FCHO2: variants seen among roughly 807,000 people sequenced by gnomAD.
FCHO2 encodes the protein F-BAR domain only protein 2.
FCHO2 carries 43 observed loss-of-function variants against 114.1 expected under a neutral mutation model. That is an observed-to-expected ratio of 0.38 (90% CI 0.30 to 0.49). The LOEUF (loss-of-function observed/expected upper bound fraction) is 0.49. FCHO2 is among the 20% of genes least tolerant of loss of function. The probability of loss-of-function intolerance (pLI) is 0.97; values close to 1 mark genes in which losing one functional copy is unlikely to be tolerated. For synonymous variants in FCHO2, 293 were observed against 315.2 expected (o/e 0.93, Z 0.75); for missense variants, 807 against 950.4 (o/e 0.85, Z 1.98).
intron 5 of FCHO2, among the ~76,000 whole-genome samples, chr5:72,999,314 TAAAAAC>T: frequency 1.3e-5 from 2 of 151,894 alleles, no homozygotes; most frequent in Middle Eastern, 6.8e-3. Flanking sequence ...TTTTGTGACT[TAAAAAC>T]ATAAATACTA....
chr5:73,009,974 T>C (rs1327576807), intron 6 of FCHO2, among the ~76,000 whole-genome samples: 1 of 152,258 alleles, frequency 6.6e-6, no homozygotes, highest in African/African-American at 2.4e-5. Context: ...TCTGTTTCTG[T>C]CTCACCCTCT....
At chr5:72,997,350 A>G (rs1257114271) in intron 5 of FCHO2, 13 of 1,589,938 alleles carry the variant, frequency 8.2e-6, no homozygotes, top group Non-Finnish European at 1.0e-5. Flanking sequence ...AAACTGGACA[A>G]TAGCAGAAGC....
In FCHO2 at chr5:73,088,298, A is replaced by G. The variant is rs1743377005; in HGVS notation, c.*208A>G. On this transcript the variant is annotated 3_prime_UTR_variant, in exon 26 of 26. Transcript: ENST00000430046. ...TTCTCTATGTTGTAAATGATCAACT[A>G]CAATATTCAGGAAGCACATTTATTC... 2 of 590,702 alleles carry G rather than the reference A, an allele frequency of 3.4e-6. No homozygotes were observed. Among genetic ancestry groups the G allele is most frequent in the South Asian group, 5.0e-5 (2 of 40,012 alleles). 36.6% of individuals were successfully genotyped at this position (590,702 alleles called of 1,614,324 possible).
chr5:73,032,982 A>G (rs1397214529), intron 8 of FCHO2, among the ~76,000 whole-genome samples: 3 of 152,164 alleles, frequency 2.0e-5, no homozygotes, highest in South Asian at 2.1e-4. Context: ...AAAAGTTGCT[A>G]ATTTGCACAT....
At chr5:73,080,294 G>T (rs1743049102) in intron 22 of FCHO2, among the ~76,000 whole-genome samples, 1 of 152,188 alleles carries the variant, frequency 6.6e-6, no homozygotes, top group African/African-American at 2.4e-5. Flanking sequence ...GCTTTATCCA[G>T]TATTAAGAAG....
intron 5 of FCHO2, chr5:72,996,816 G>A: frequency 5.4e-6 from 4 of 747,054 alleles, no homozygotes; most frequent in Non-Finnish European, 6.7e-6. Flanking sequence ...TGCCACTTAG[G>A]GCTGCCGTTC....
At chr5:73,055,103 A>G in intron 15 of FCHO2, 2 of 392,334 alleles carry the variant, frequency 5.1e-6, no homozygotes, top group South Asian at 1.9e-5. Context: ...CAGTTTTATT[A>G]AAAATTCTAA....
At position 73,088,873 on chromosome 5, in the gene FCHO2, C is replaced by T. The variant is rs1487269078; in HGVS notation, c.*783C>T. The T allele has an allele frequency of 6.6e-6, 1 of 152,450 alleles. No individual in the cohort carries two copies. The highest frequency in any genetic ancestry group is 1.9e-4 in the East Asian group (1 of 5,192). The allele number at this position is 152,450 out of a possible 1,614,324, so 9.4% of individuals were successfully genotyped here. On this transcript the variant is annotated 3_prime_UTR_variant, in exon 26 of 26. Coordinates refer to ENST00000430046, the MANE Select transcript of FCHO2 (RefSeq NM_138782.3). ...TGCCTTTTAAAACAATAACAAAAAC[C>T]AGAGATGTGCCTATACAATTTGTGT...
chr5:73,013,596 G>A (rs1358111927), intron 6 of FCHO2, among the ~76,000 whole-genome samples: 3 of 152,166 alleles, frequency 2.0e-5, no homozygotes, highest in Non-Finnish European at 4.4e-5. Context: ...CAAAAGTGTT[G>A]TAAGGTCAAA....
At position 73,088,145 on chromosome 5, in the gene FCHO2, A is replaced by G. The variant is rs1309689964; in HGVS notation, c.*55A>G. 8 of 1,604,108 alleles carry G rather than the reference A, an allele frequency of 5.0e-6. No individual in the cohort carries two copies. The East Asian group carries it at 1.6e-4, about 31-fold the overall frequency. ...GATTACAAACCTGCCATTCTGCATT[A>G]TCTGTTCTTTCCAAACACTATTTTA... On this transcript the variant is annotated 3_prime_UTR_variant, in exon 26 of 26. Transcript: ENST00000430046.
At chr5:73,055,507 A>G (rs964735396) in intron 15 of FCHO2, among the ~76,000 whole-genome samples, 1 of 152,216 alleles carries the variant, frequency 6.6e-6, no homozygotes, top group Admixed American at 6.5e-5. Flanking sequence ...TAATGATGCT[A>G]TTCCCCTGTT....
intron 5 of FCHO2, among the ~76,000 whole-genome samples, chr5:72,993,588 A>ATAGGGGAACATTCTACAACCACC (rs2112676548): frequency 6.6e-6 from 1 of 152,290 alleles, no homozygotes; most frequent in African/African-American, 2.4e-5. Flanking sequence ...CCTCATATGA[A>ATAGGGGAACATTCTACAACCACC]ATCAGAATGC....
chr5:73,064,022 T>C (rs981966060), intron 18 of FCHO2, 78 bp downstream of exon 18: 1 of 1,329,564 alleles, frequency 7.5e-7, no homozygotes, highest in Non-Finnish European at 1.0e-6. Flanking sequence ...TATGCCCTTT[T>C]ACAGTTAATT....
intron 17 of FCHO2, among the ~76,000 whole-genome samples, chr5:73,059,664 T>C (rs1757760225): frequency 6.6e-6 from 1 of 152,144 alleles, no homozygotes; most frequent in South Asian, 2.1e-4. Context: ...CACTAAACGC[T>C]ATTTGACCTT....
chr5:73,041,604 CA>C (rs1205465014), intron 11 of FCHO2, among the ~76,000 whole-genome samples: 1 of 151,940 alleles, frequency 6.6e-6, no homozygotes, highest in Non-Finnish European at 1.5e-5. Flanking sequence ...TGCCAGAAAT[CA>C]AATCTGTATA....
At chr5:73,079,171 T>C (rs2112891595) in intron 22 of FCHO2, among the ~76,000 whole-genome samples, 1 of 152,248 alleles carries the variant, frequency 6.6e-6, no homozygotes, top group Non-Finnish European at 1.5e-5. Flanking sequence ...ATGATCACAT[T>C]TCACTGCAGC....
chr5:72,971,742 T>A (rs1361686789), intron 2 of FCHO2, among the ~76,000 whole-genome samples: 1 of 152,354 alleles, frequency 6.6e-6, no homozygotes, highest in African/African-American at 2.4e-5. Context: ...TTGTTGCCAT[T>A]GCTTTTGGTG....
chr5:72,973,086 T>C (rs974965139), intron 2 of FCHO2, among the ~76,000 whole-genome samples: 10 of 152,114 alleles, frequency 6.6e-5, no homozygotes, highest in African/African-American at 1.7e-4. Flanking sequence ...TTTTGATGTG[T>C]TGCTGGATTC....
chr5:72,986,698 A>G (rs550175651), intron 2 of FCHO2, among the ~76,000 whole-genome samples: 1 of 152,298 alleles, frequency 6.6e-6, no homozygotes, highest in African/African-American at 2.4e-5. Flanking sequence ...TGGGAGCAGA[A>G]GTCTTTTAGA....
Sources: gnomAD v4.1 joint callset for allele counts (sites outside exome capture counted in the v4.1 genomes callset) on GRCh38, gnomAD v4.1.1 for gene constraint, MANE v1.5 for transcripts, NCBI Gene and HGNC (gene_info 2026-07-23, HGNC 2026-07-21) for gene names.